The following HSP90AA1 variants were observed in gnomAD, a reference collection of about 807,000 sequenced individuals.
The protein encoded by HSP90AA1 is heat shock protein 90 alpha family class A member 1, also known as heat shock protein HSP 90-alpha.
A neutral mutation model predicts 73.3 loss-of-function variants in HSP90AA1; 18 were observed. The ratio of observed to expected loss-of-function variants is 0.25; its 90% CI spans 0.17 to 0.36. The LOEUF is 0.36. Ranked by LOEUF, HSP90AA1 falls within the 10% of genes least tolerant of loss-of-function variation. The pLI, the probability that HSP90AA1 is intolerant of heterozygous loss-of-function variation, is 1.00. For synonymous variants in HSP90AA1, 477 were observed against 296.9 expected (o/e 1.61, Z -6.24); for missense variants, 704 against 874.2 (o/e 0.81, Z 2.45).
chr14:102,111,276 G>A (rs771635648), intron 1 of HSP90AA1, among the ~76,000 whole-genome samples: 6 of 152,184 alleles, frequency 3.9e-5, no homozygotes, highest in Admixed American at 1.3e-4. Flanking sequence ...TTTATGGGCC[G>A]GGCCCAGGGC....
At chr14:102,126,058 A>G (rs1295407047) in intron 1 of HSP90AA1, among the ~76,000 whole-genome samples, 7 of 152,336 alleles carry the variant, frequency 4.6e-5, no homozygotes, top group Non-Finnish European at 1.0e-4. Flanking sequence ...AAGGTGACAT[A>G]ACTTACATTT....
At chr14:102,104,285 C>T (rs1266355409) in intron 1 of HSP90AA1, among the ~76,000 whole-genome samples, 1 of 152,154 alleles carries the variant, frequency 6.6e-6, no homozygotes, top group Admixed American at 6.6e-5. Flanking sequence ...TCTTGGCTCA[C>T]TGCAACCTCT....
intron 1 of HSP90AA1, among the ~76,000 whole-genome samples, chr14:102,115,649 G>T (rs575202230): frequency 1.3e-5 from 2 of 152,198 alleles, no homozygotes; most frequent in South Asian, 2.1e-4. Context: ...GTGGCAGGCT[G>T]AGGTGGGATC....
chr14:102,087,475 G>T (rs960155222), upstream of HSP90AA1, among the ~76,000 whole-genome samples: 13 of 151,938 alleles, frequency 8.6e-5, no homozygotes, highest in Admixed American at 8.5e-4. Flanking sequence ...ACGCGGGGCC[G>T]GGGTGGGAGG....
At chr14:102,086,478 G>A (rs906167012) in intron 1 of HSP90AA1, 100 bp from the exon 2 acceptor site, 16 of 1,376,688 alleles carry the variant, frequency 1.2e-5, no homozygotes, top group Non-Finnish European at 1.6e-5. Flanking sequence ...CCGAATTGGA[G>A]ATTTGCGAAG....
At chr14:102,085,654 G>A in intron 3 of HSP90AA1, 104 bp downstream of exon 3, 2 of 1,543,864 alleles carry the variant, frequency 1.3e-6, no homozygotes, top group Admixed American at 1.7e-5. Flanking sequence ...TGATCGTTGG[G>A]CAAACACAAA....
chr14:102,083,849 C>T lies in HSP90AA1; in HGVS notation c.1282G>A (p.Ala428Thr). Reference sequence around the variant, plus strand: ...TTCTTGTAGTTCTCTTTATCTTCCGCCAGTTCAGTAAAGAGTTCTAAGCAT... The same window carrying T: ...TTCTTGTAGTTCTCTTTATCTTCCGTCAGTTCAGTAAAGAGTTCTAAGCAT... ...KKCLELFTELAEDKENYKKFY... is the reference protein window; with the variant it reads ...KKCLELFTELTEDKENYKKFY... The change falls in exon 7 of 11, where the codon GCG (alanine) becomes ACG (threonine). Residue 428 changes from alanine to threonine, a missense_variant. Ala to Thr is a moderately conservative substitution (Grantham distance 58). Transcript: ENST00000216281. 4 of 1,613,902 alleles carry T rather than the reference C, an allele frequency of 2.5e-6. No individual in the cohort carries two copies. Among genetic ancestry groups the T allele is most frequent in the Non-Finnish European group, 3.4e-6 (4 of 1,179,942 alleles).
chr14:102,134,680 T>G (rs1453051530), intron 1 of HSP90AA1, among the ~76,000 whole-genome samples: 1 of 152,234 alleles, frequency 6.6e-6, no homozygotes, highest in African/African-American at 2.4e-5. Context: ...GGTGGGCTCG[T>G]GGTCTTGCTG....
At chr14:102,086,433 C>G (rs2049236081) in intron 1 of HSP90AA1, 55 bp from the exon 2 acceptor site, 7 of 1,589,426 alleles carry the variant, frequency 4.4e-6, no homozygotes, top group African/African-American at 1.3e-5. Context: ...AGAGGCAACA[C>G]GAAATTCCAT....
rs772459255 is a variant in HSP90AA1, at chr14:102,084,361, A to T, written c.1147+38T>A. The T allele has an allele frequency of 2.4e-4, 387 of 1,587,150 alleles. 1 individual carries two copies. The highest frequency in any genetic ancestry group is 3.1e-4 in the Non-Finnish European group (356 of 1,155,532). On this transcript the variant is annotated intron_variant, in intron 6 of 10. Coordinates refer to ENST00000216281, the MANE Select transcript of HSP90AA1 (RefSeq NM_005348.4). ...ATGCCCACCCAGAAAGTACTTCTTT[A>T]ATCAGTGACAGTGATTATTTTTCCT...
At position 102,113,271 on chromosome 14, in the gene HSP90AA1, G is replaced by A. The variant is rs181939829; in HGVS notation, c.156-11186C>T. On this transcript the variant is annotated intron_variant, in intron 1 of 11. Coordinates refer to the HSP90AA1 transcript ENST00000334701. ...ACTCCTGACCTCAGGCAATCTGCCC[G>A]CCTTGGCCTCCCAAAGTACTGGGAT... is the stretch of plus-strand genomic sequence containing the variant. 1.2e-3 allele frequency among the ~76,000 whole-genome samples: 185 copies of A among 152,190 alleles called. 1 individual carries two copies. The highest frequency in any genetic ancestry group is 4.1e-3 in the African/African-American group (169 of 41,558).
At chr14:102,085,499 C>T in intron 3 of HSP90AA1, 68 bp from the exon 4 acceptor site, 6 of 1,439,572 alleles carry the variant, frequency 4.2e-6, no homozygotes, top group Middle Eastern at 3.5e-4. Context: ...GCCTAACACC[C>T]TTATAACGTG....
At chr14:102,093,727 T>A (rs1324925153) in intron 2 of HSP90AA1, among the ~76,000 whole-genome samples, 1 of 151,920 alleles carries the variant, frequency 6.6e-6, no homozygotes, top group Non-Finnish European at 1.5e-5. Flanking sequence ...ACTCCCAGCA[T>A]TTTGGGAGGC....
At chr14:102,104,537 A>G (rs1352796673) in intron 1 of HSP90AA1, among the ~76,000 whole-genome samples, 1 of 152,074 alleles carries the variant, frequency 6.6e-6, no homozygotes, top group Non-Finnish European at 1.5e-5. Context: ...TGATGCATGT[A>G]TGTAATGTGC....
intron 2 of HSP90AA1, among the ~76,000 whole-genome samples, chr14:102,098,184 CAG>C (rs1317506052): frequency 6.6e-6 from 1 of 151,714 alleles, no homozygotes; most frequent in Non-Finnish European, 1.5e-5. Context: ...TTTTTTGAGA[CAG>C]AGTCTCGCTC....
chr14:102,128,502 G>A (rs1162998052), intron 1 of HSP90AA1, among the ~76,000 whole-genome samples: 3 of 152,008 alleles, frequency 2.0e-5, no homozygotes, highest in Non-Finnish European at 4.4e-5. Context: ...GGTGGCGGGC[G>A]CCTGTAATCC....
chr14:102,101,337 G>C (rs767072632), intron 2 of HSP90AA1, among the ~76,000 whole-genome samples: 4 of 152,150 alleles, frequency 2.6e-5, no homozygotes, highest in Non-Finnish European at 5.9e-5. Context: ...CCCTTCCGTG[G>C]TTCACTGTGA....
intron 1 of HSP90AA1, among the ~76,000 whole-genome samples, chr14:102,134,059 G>C (rs932868733): frequency 6.6e-6 from 1 of 151,756 alleles, no homozygotes; most frequent in African/African-American, 2.4e-5. Flanking sequence ...GCTGAGGCAG[G>C]AGAATTGCTT....
At chr14:102,106,733 G>A (rs1393552049) in intron 1 of HSP90AA1, among the ~76,000 whole-genome samples, 1 of 151,776 alleles carries the variant, frequency 6.6e-6, no homozygotes, top group African/African-American at 2.4e-5. Context: ...TAGTAAAGAT[G>A]GGGTTTCCCC....
Sources: allele counts gnomAD v4.1 joint callset (sites outside exome capture counted in the v4.1 genomes callset), GRCh38; gene constraint gnomAD v4.1.1; transcripts MANE v1.5; gene names NCBI Gene and HGNC (gene_info 2026-07-23, HGNC 2026-07-21).